Variants in CHRNA7 observed in about 807,000 individuals in gnomAD.
CHRNA7 encodes cholinergic receptor nicotinic alpha 7 subunit, also known as neuronal acetylcholine receptor subunit alpha-7.
A neutral mutation model predicts 48.0 loss-of-function variants in CHRNA7; 17 were observed. That is an observed-to-expected ratio of 0.35 (90% confidence interval 0.24 to 0.53). The LOEUF is 0.53. Ranked by LOEUF, CHRNA7 falls within the 20% of genes least tolerant of loss-of-function variation. The pLI, the probability that CHRNA7 is intolerant of heterozygous loss-of-function variation, is 0.92. For synonymous variants in CHRNA7, 75 were observed against 242.3 expected (o/e 0.31, Z 6.41); for missense variants, 155 against 577.7 (o/e 0.27, Z 7.50).
intron 2 of CHRNA7, among the ~76,000 whole-genome samples, chr15:32,063,996 GAAGACCTTATTTTTA>G (rs1036089687): frequency 3.3e-5 from 5 of 152,182 alleles, no homozygotes; most frequent in Admixed American, 6.5e-5. Flanking sequence ...GCAGGATTTT[GAAGACCTTATTTTTA>G]CCCTTACACT....
chr15:32,118,211 G>T (rs2050906947), intron 4 of CHRNA7, among the ~76,000 whole-genome samples: 2 of 152,168 alleles, frequency 1.3e-5, no homozygotes, highest in African/African-American at 4.8e-5. Context: ...GCACTACAGA[G>T]AGTCCCCACC....
chr15:32,030,744 A>C (rs1901779237), intron 1 of CHRNA7, 95 bp downstream of exon 1: 1 of 1,518,970 alleles, frequency 6.6e-7, no homozygotes. Context: ...CAGGTTTGGG[A>C]TCTCCCCGCC....
intron 4 of CHRNA7, among the ~76,000 whole-genome samples, chr15:32,134,556 G>C (rs2051213969): frequency 6.6e-6 from 1 of 152,134 alleles, no homozygotes; most frequent in African/African-American, 2.4e-5. Flanking sequence ...AACACTATAA[G>C]AAATAATATG....
chr15:32,073,007 T>C (rs2050082198), intron 2 of CHRNA7, among the ~76,000 whole-genome samples: 1 of 152,064 alleles, frequency 6.6e-6, no homozygotes, highest in African/African-American at 2.4e-5. Flanking sequence ...ACTGGAGCTG[T>C]AGGAAGGGGG....
At position 32,112,361 on chromosome 15, in the gene CHRNA7, C is replaced by T. The variant is rs762828185; in HGVS notation, c.350+462C>T. 11 of 457,218 alleles carry T rather than the reference C, an allele frequency of 2.4e-5. 1 individual carries two copies. The highest frequency in any genetic ancestry group is 1.5e-4 in the South Asian group (10 of 64,574). 28.3% of individuals were successfully genotyped at this position (457,218 alleles called of 1,614,324 possible). On this transcript the variant is annotated intron_variant, in intron 4 of 9. Coordinates refer to ENST00000306901, the MANE Select transcript of CHRNA7 (RefSeq NM_000746.6). The stretch of plus-strand genomic sequence containing the variant: ...GAGAGTTCTGTGGCAGAGATGGCTG[C>T]AGGTGAGCGTGAGGACTGTCATCTC...
chr15:32,132,203 C>G (rs2051168634), intron 4 of CHRNA7, among the ~76,000 whole-genome samples: 1 of 152,184 alleles, frequency 6.6e-6, no homozygotes, highest in South Asian at 2.1e-4. Flanking sequence ...CAGGCTGCTT[C>G]TCTCCTGACC....
intron 4 of CHRNA7, among the ~76,000 whole-genome samples, chr15:32,136,986 C>G (rs1456182345): frequency 7.0e-6 from 1 of 142,040 alleles, no homozygotes; most frequent in South Asian, 2.4e-4. Flanking sequence ...GAGCCGAGAT[C>G]CCGCCACTGC....
chr15:32,151,917 T>C (rs2051637926), intron 4 of CHRNA7, among the ~76,000 whole-genome samples: 1 of 152,188 alleles, frequency 6.6e-6, no homozygotes, highest in Non-Finnish European at 1.5e-5. Flanking sequence ...CCTGAGGCTC[T>C]GTAGTCATGG....
chr15:32,101,492 A>T (rs1308791035), intron 3 of CHRNA7, 145 bp downstream of exon 3: 1 of 773,898 alleles, frequency 1.3e-6, no homozygotes, highest in East Asian at 2.5e-5. Flanking sequence ...CTGTCACACC[A>T]ACTCCACACC....
intron 2 of CHRNA7, among the ~76,000 whole-genome samples, chr15:32,034,994 G>A (rs867803835): frequency 2.6e-5 from 4 of 152,208 alleles, no homozygotes; most frequent in Admixed American, 6.5e-5. Context: ...CTGTGGGAAT[G>A]TGGAGAAGGG....
At chr15:32,106,304 C>T (rs1445623109) in intron 3 of CHRNA7, among the ~76,000 whole-genome samples, 2 of 152,172 alleles carry the variant, frequency 1.3e-5, no homozygotes, top group African/African-American at 2.4e-5. Context: ...TCTGAATCCA[C>T]ATAATCTTTT....
chr15:32,135,998 G>A (rs2051249218), intron 4 of CHRNA7, among the ~76,000 whole-genome samples: 1 of 152,052 alleles, frequency 6.6e-6, no homozygotes, highest in East Asian at 1.9e-4. Flanking sequence ...TTACCTGATG[G>A]GCAAAATCAA....
At chr15:32,044,520 C>T (rs936768767) in intron 2 of CHRNA7, among the ~76,000 whole-genome samples, 9 of 152,210 alleles carry the variant, frequency 5.9e-5, no homozygotes, top group Non-Finnish European at 1.3e-4. Context: ...TCATGATCCG[C>T]CTGCCTCAGC....
chr15:32,148,208 G>C (rs1265611100), intron 4 of CHRNA7, among the ~76,000 whole-genome samples: 1 of 152,126 alleles, frequency 6.6e-6, no homozygotes, highest in Non-Finnish European at 1.5e-5. Context: ...TCTTCTTATT[G>C]TTATTTTATT....
At chr15:32,041,939 A>G (rs993550588) in intron 2 of CHRNA7, among the ~76,000 whole-genome samples, 2 of 152,208 alleles carry the variant, frequency 1.3e-5, no homozygotes, top group Non-Finnish European at 2.9e-5. Context: ...CCTTTAGCTT[A>G]TTAATCATAG....
chr15:32,132,609 C>G (rs996120474), intron 4 of CHRNA7, among the ~76,000 whole-genome samples: 5 of 152,164 alleles, frequency 3.3e-5, no homozygotes, highest in African/African-American at 9.7e-5. Flanking sequence ...GAAGAGAACT[C>G]TCTCTGGTTT....
chr15:32,082,635 T>C (rs1405663311), intron 2 of CHRNA7, among the ~76,000 whole-genome samples: 4 of 152,222 alleles, frequency 2.6e-5, no homozygotes, highest in Admixed American at 6.5e-5. Flanking sequence ...TTCTTTCCAC[T>C]GTATATCTTA....
chr15:32,040,295 GT>G (rs1427137239), intron 2 of CHRNA7, among the ~76,000 whole-genome samples: 1 of 151,608 alleles, frequency 6.6e-6, no homozygotes, highest in Non-Finnish European at 1.5e-5. Context: ...TGATTTTTTT[GT>G]TGTCCTTGTT....
intron 2 of CHRNA7, among the ~76,000 whole-genome samples, chr15:32,076,707 A>G (rs2050141034): frequency 6.6e-6 from 1 of 152,142 alleles, no homozygotes; most frequent in African/African-American, 2.4e-5. Flanking sequence ...CACATGCATA[A>G]TCTCTCTCAT....
Sources: allele counts gnomAD v4.1 joint callset (sites outside exome capture counted in the v4.1 genomes callset), GRCh38; gene constraint gnomAD v4.1.1; transcripts MANE v1.5; gene names NCBI Gene and HGNC (gene_info 2026-07-23, HGNC 2026-07-21).